Variants in IGF1R observed in about 807,000 individuals in gnomAD.
IGF1R encodes the protein insulin like growth factor 1 receptor.
In IGF1R, 44 loss-of-function variants were observed where a neutral mutation model predicts 144.6. The ratio of observed to expected loss-of-function variants is 0.30; its 90% CI spans 0.24 to 0.39. IGF1R has a LOEUF of 0.39. Ranked by LOEUF, IGF1R falls within the 10% of genes least tolerant of loss-of-function variation. The pLI is 1.00. For missense variants in IGF1R, 1,355 were observed against 1,833.7 expected, an observed-to-expected ratio of 0.74 and a Z score of 4.77; for synonymous variants, 795 against 722.8, an observed-to-expected ratio of 1.10 and a Z score of -1.60.
rs184007147 is a variant in IGF1R, at chr15:98,648,835, C to A, written c.-747C>A. On this transcript the variant is annotated 5_prime_UTR_variant, in exon 1 of 21. Coordinates refer to ENST00000650285, the MANE Select transcript of IGF1R (RefSeq NM_000875.5). Reference sequence around the variant, plus strand: ...GTGACCTTCAGCGAGCCGGAGCCCCCGCGCAGAGCAGGCGGCGGCGGGCGG... The same window carrying A: ...GTGACCTTCAGCGAGCCGGAGCCCCAGCGCAGAGCAGGCGGCGGCGGGCGG... The A allele has an allele frequency of 0.02, 3,085 of 152,288 alleles. 118 individuals are homozygous for A. Among genetic ancestry groups the A allele is most frequent in the African/African-American group, 0.07 (2,851 of 40,478 alleles). 9.4% of individuals were successfully genotyped at this position (152,288 alleles called of 1,614,324 possible).
At chr15:98,903,785 A>T (rs2014595501) in intron 5 of IGF1R, among the ~76,000 whole-genome samples, 1 of 152,262 alleles carries the variant, frequency 6.6e-6, no homozygotes, top group Non-Finnish European at 1.5e-5. Context: ...AACATGGGTG[A>T]ACCTCTAAAA....
At chr15:98,939,511 A>T in intron 18 of IGF1R, 151 bp downstream of exon 18, 1 of 804,680 alleles carries the variant, frequency 1.2e-6, no homozygotes, top group Non-Finnish European at 2.1e-6. Flanking sequence ...TCTCCAGTTG[A>T]TGGTCACAAA....
intron 2 of IGF1R, among the ~76,000 whole-genome samples, chr15:98,797,541 G>A (rs2056273007): frequency 6.6e-6 from 1 of 152,216 alleles, no homozygotes; most frequent in Non-Finnish European, 1.5e-5. Context: ...TTCATTTGGG[G>A]TTGGGGGAGC....
Position 98,935,484 on chromosome 15 carries a change from T to C in IGF1R, c.3297+58T>C, listed in dbSNP as rs2293117. ...GCCTGGCCTGCTCTCTTTTCCTTTA[T>C]AATCTCCCTGCAAGGAAATGCTGTG... On this transcript the variant is annotated intron_variant, in intron 17 of 20. Coordinates refer to ENST00000650285, the MANE Select transcript of IGF1R (RefSeq NM_000875.5). This position sits in a 1 kb window ranked among gnomAD's most constrained non-coding sequence, Gnocchi z 4.2. 415,008 of 978,858 alleles carry C rather than the reference T, an allele frequency of 0.42. 90,017 individuals are homozygous for C. The highest frequency in any genetic ancestry group is 0.46 in the Non-Finnish European group (284,969 of 623,454). 60.6% of individuals were successfully genotyped at this position (978,858 alleles called of 1,614,324 possible). A position where few individuals can be genotyped will look rare whatever the true frequency, so the allele number is the denominator to read the frequency against.
intron 1 of IGF1R, among the ~76,000 whole-genome samples, chr15:98,703,545 G>A (rs759003996): frequency 2.0e-5 from 3 of 152,166 alleles, no homozygotes; most frequent in African/African-American, 4.8e-5. Flanking sequence ...CGTGCTCTGT[G>A]GTTTGGGCTT....
intron 2 of IGF1R, among the ~76,000 whole-genome samples, chr15:98,821,852 C>T (rs1028029020): frequency 6.0e-5 from 8 of 133,814 alleles, no homozygotes; most frequent in Admixed American, 2.4e-4. Flanking sequence ...GAGAGACACA[C>T]GGGTGTATGT....
chr15:98,884,449 C>T (rs1407613131), intron 2 of IGF1R, among the ~76,000 whole-genome samples: 1 of 152,110 alleles, frequency 6.6e-6, no homozygotes, highest in Admixed American at 6.5e-5. Context: ...AATCCCAGCA[C>T]TTTGGGAGGC....
rs370245821 is a variant in IGF1R, at chr15:98,806,686, A to G, written c.641-84639A>G. On this transcript the variant is annotated intron_variant, in intron 2 of 20. Coordinates refer to ENST00000650285, the MANE Select transcript of IGF1R (RefSeq NM_000875.5). Reference sequence around the variant, plus strand: ...TCCCTTTTTCCTAGTCCTTGTGAACATGTGCTGGACAGCCAGGAGTGGCAC... The same window carrying G: ...TCCCTTTTTCCTAGTCCTTGTGAACGTGTGCTGGACAGCCAGGAGTGGCAC... 2.6e-5 allele frequency among the ~76,000 whole-genome samples: 4 copies of G among 152,350 alleles called. No homozygotes were observed. In the South Asian group the frequency reaches 6.2e-4, roughly 24 times the overall value.
intron 4 of IGF1R, 27 bp downstream of exon 4, chr15:98,896,932 C>A (rs114021142): frequency 6.2e-7 from 1 of 1,611,744 alleles, no homozygotes; most frequent in East Asian, 2.2e-5. Flanking sequence ...CCTGGAAAAA[C>A]GGCTAGATCT....
intron 2 of IGF1R, among the ~76,000 whole-genome samples, chr15:98,863,693 C>T (rs554764678): frequency 6.6e-6 from 1 of 152,286 alleles, no homozygotes; most frequent in African/African-American, 2.4e-5. Context: ...AATGTTCTTG[C>T]CCTTTCTCCC....
chr15:98,944,660 G>A (rs942060646), intron 19 of IGF1R, among the ~76,000 whole-genome samples: 4 of 152,200 alleles, frequency 2.6e-5, no homozygotes, highest in South Asian at 4.1e-4. Context: ...AATTGTATTG[G>A]GCTTTGTAGA....
chr15:98,885,786 T>G (rs1435662604), intron 2 of IGF1R, among the ~76,000 whole-genome samples: 1 of 152,164 alleles, frequency 6.6e-6, no homozygotes, highest in Non-Finnish European at 1.5e-5. Flanking sequence ...TCTTTCATGT[T>G]TTGTTCCTTG....
At chr15:98,779,325 C>G (rs996433598) in intron 2 of IGF1R, among the ~76,000 whole-genome samples, 1 of 152,238 alleles carries the variant, frequency 6.6e-6, no homozygotes, top group Non-Finnish European at 1.5e-5. Context: ...TTAAAAATTT[C>G]GACTTCAGAT....
intron 19 of IGF1R, among the ~76,000 whole-genome samples, chr15:98,943,986 A>G (rs1367860129): frequency 6.6e-6 from 1 of 152,216 alleles, no homozygotes; most frequent in Non-Finnish European, 1.5e-5. Context: ...CCGGCAAAGC[A>G]TGATTGCTTC....
intron 2 of IGF1R, among the ~76,000 whole-genome samples, chr15:98,851,193 C>CA (rs1202382106): frequency 6.6e-6 from 1 of 152,152 alleles, no homozygotes; most frequent in African/African-American, 2.4e-5. Flanking sequence ...GACAGGAACA[C>CA]AGCGGCTGAG....
At chr15:98,907,273 A>G (rs1205229948) in intron 5 of IGF1R, among the ~76,000 whole-genome samples, 1 of 152,206 alleles carries the variant, frequency 6.6e-6, no homozygotes, top group Non-Finnish European at 1.5e-5. Flanking sequence ...GTAAATGAGA[A>G]TCAGGCTGAG....
intron 2 of IGF1R, among the ~76,000 whole-genome samples, chr15:98,882,586 C>G (rs1414605644): frequency 1.3e-5 from 2 of 152,230 alleles, no homozygotes; most frequent in Non-Finnish European, 2.9e-5. Context: ...CTAGGAGCTT[C>G]TTGCCTGCCT....
intron 2 of IGF1R, among the ~76,000 whole-genome samples, chr15:98,863,820 G>A (rs2012287845): frequency 6.6e-6 from 1 of 152,232 alleles, no homozygotes; most frequent in South Asian, 2.1e-4. Flanking sequence ...TTGGGGAACT[G>A]ACTCTGAAGC....
intron 1 of IGF1R, among the ~76,000 whole-genome samples, chr15:98,664,938 G>A (rs2052694549): frequency 6.8e-6 from 1 of 147,842 alleles, no homozygotes; most frequent in Non-Finnish European, 1.5e-5. Context: ...TTTTTTGACT[G>A]CAGAATTAGG....
Sources: allele counts gnomAD v4.1 joint callset (sites outside exome capture counted in the v4.1 genomes callset), GRCh38; gene constraint gnomAD v4.1.1; non-coding constraint Gnocchi (gnomAD v3.1); transcripts MANE v1.5; gene names NCBI Gene and HGNC (gene_info 2026-07-23, HGNC 2026-07-21).